ACACA: variants seen among roughly 807,000 people sequenced by gnomAD.
ACACA encodes acetyl-CoA carboxylase 1.
A neutral mutation model predicts 296.1 loss-of-function variants in ACACA; 103 were observed. That is an observed-to-expected ratio of 0.35 (90% CI 0.30 to 0.41). The LOEUF (loss-of-function observed/expected upper bound fraction) is 0.41. ACACA is among the 10% of genes least tolerant of loss of function. The pLI, the probability that ACACA is intolerant of heterozygous loss-of-function variation, is 1.00. For synonymous variants in ACACA, 953 were observed against 1,038.6 expected, an observed-to-expected ratio of 0.92 and a Z score of 1.58; for missense variants, 1,554 against 2,989.7, an observed-to-expected ratio of 0.52 and a Z score of 11.20.
chr17:37,201,610 AAAG>A lies in ACACA; in HGVS notation c.4057-1130_4057-1128del, dbSNP rs1204255024. Among the ~76,000 whole-genome samples the A allele has an allele frequency of 3.1e-4, 47 of 152,250 alleles. 1 individual carries two copies. The highest frequency in any genetic ancestry group is 6.2e-4 in the South Asian group (3 of 4,824). ...AGACATGTGTTTAGAGGTCCCCAAC[AAAG>A]AAGGATTATAACAGCAAGCAGAAAA... On this transcript the variant is annotated intron_variant, in intron 33 of 55. Transcript: ENST00000616317.
chr17:37,154,709 C>T (rs2076171025), intron 43 of ACACA, among the ~76,000 whole-genome samples: 1 of 152,094 alleles, frequency 6.6e-6, no homozygotes, highest in Non-Finnish European at 1.5e-5. Context: ...GTTGGCCAGG[C>T]TGGTCTTGCA....
chr17:37,251,776 C>T (rs917823059), intron 16 of ACACA, among the ~76,000 whole-genome samples: 1 of 152,148 alleles, frequency 6.6e-6, no homozygotes, highest in Non-Finnish European at 1.5e-5. Context: ...AAAGAAGCAA[C>T]CTGTTCTAAC....
intron 24 of ACACA, among the ~76,000 whole-genome samples, chr17:37,239,916 A>T (rs1302226355): frequency 6.6e-6 from 1 of 152,232 alleles, no homozygotes; most frequent in African/African-American, 2.4e-5. Context: ...TTGTGGCAGG[A>T]AGCAATGTCA....
At chr17:37,309,690 G>T (rs1212444061) in intron 3 of ACACA, among the ~76,000 whole-genome samples, 1 of 152,108 alleles carries the variant, frequency 6.6e-6, no homozygotes, top group Admixed American at 6.6e-5. Flanking sequence ...CAGTATGATT[G>T]AAGCCCTGTC....
rs1361124394 is a variant in ACACA at position 37,099,514 on chromosome 17, C to CAGGAGGGCTGATGGG, written c.6566-1545_6566-1531dup. ...GGGCTGATGGGAGGAGGGCTGATAG[C>CAGGAGGGCTGATGGG]AGGAGGGCTGATGGGAGGAGGGCTG... is the stretch of plus-strand genomic sequence containing the variant. On this transcript the variant is annotated intron_variant, in intron 52 of 55. Coordinates refer to ENST00000616317, the MANE Select transcript of ACACA (RefSeq NM_198834.3). Among the ~76,000 whole-genome samples, 38 of 78,430 alleles carry CAGGAGGGCTGATGGG rather than the reference C, an allele frequency of 4.8e-4. 1 individual carries two copies. The East Asian group carries it at 9.4e-3, about 19-fold the overall frequency. 51.5% of individuals were successfully genotyped at this position (78,430 alleles called of 152,430 possible).
chr17:37,290,100 T>A (rs1213536445), intron 3 of ACACA, among the ~76,000 whole-genome samples: 1 of 152,016 alleles, frequency 6.6e-6, no homozygotes, highest in Non-Finnish European at 1.5e-5. Context: ...CAGGCTGGAG[T>A]GCAGTGGTCC....
intron 45 of ACACA, among the ~76,000 whole-genome samples, chr17:37,147,995 T>C (rs2075882651): frequency 6.6e-6 from 1 of 151,998 alleles, no homozygotes; most frequent in South Asian, 2.1e-4. Context: ...GTATATAATA[T>C]AGTATCGGGG....
intron 2 of ACACA, among the ~76,000 whole-genome samples, chr17:37,337,597 G>A (rs564142372): frequency 5.1e-4 from 77 of 152,052 alleles, no homozygotes; most frequent in African/African-American, 1.7e-3. Flanking sequence ...GGGACTACAG[G>A]CATGCATCAC....
Position 37,097,892 on chromosome 17 carries a change from C to A in ACACA, c.6658G>T (p.Ala2220Ser). ...EFLIPIYHQV[A>S]VQFADLHDTP... ...TCGTGCAAGTCAGCAAACTGCACGGCTACCTGATGGTAAATGGGAATTAGG... is the reference window on the plus strand; with the variant it reads ...TCGTGCAAGTCAGCAAACTGCACGGATACCTGATGGTAAATGGGAATTAGG... Residue 2220 changes from alanine (A) to serine (S), a missense_variant, in exon 53 of 56, where the codon GCC (alanine) becomes TCC (serine). By Grantham distance (99) the Ala-to-Ser change is moderately conservative. This residue lies in a region of ACACA where 553 missense variants were observed against 1,043.6 expected (regional missense o/e 0.53). Coordinates refer to ENST00000616317, the MANE Select transcript of ACACA (RefSeq NM_198834.3). The surrounding 1 kb of genome is among the most constrained non-coding windows in gnomAD (Gnocchi z 4.8). The A allele has an allele frequency of 6.2e-7, 1 of 1,614,172 alleles. No homozygotes were observed. Among genetic ancestry groups the A allele is most frequent in the Non-Finnish European group, 8.5e-7 (1 of 1,180,042 alleles).
At chr17:37,331,495 G>A (rs549078464) in intron 2 of ACACA, among the ~76,000 whole-genome samples, 11 of 151,664 alleles carry the variant, frequency 7.3e-5, no homozygotes, top group African/African-American at 1.5e-4. Flanking sequence ...TGCAACCTCC[G>A]CCTCCCGGGT....
At chr17:37,302,992 T>C (rs748046577) in intron 3 of ACACA, among the ~76,000 whole-genome samples, 6 of 152,146 alleles carry the variant, frequency 3.9e-5, no homozygotes, top group Non-Finnish European at 7.4e-5. Flanking sequence ...GACGAGGTCT[T>C]GCTATGTTGC....
intron 1 of ACACA, among the ~76,000 whole-genome samples, chr17:37,385,243 G>A (rs1438646721): frequency 6.6e-6 from 1 of 152,086 alleles, no homozygotes; most frequent in African/African-American, 2.4e-5. Context: ...AGGCCGAGGT[G>A]GGCAGATCAC....
intron 41 of ACACA, among the ~76,000 whole-genome samples, chr17:37,167,322 A>T (rs2076714606): frequency 7.6e-6 from 1 of 131,144 alleles, no homozygotes; most frequent in African/African-American, 3.0e-5. Flanking sequence ...CCCAGGCTGG[A>T]GTACAGTGGC....
chr17:37,340,055 T>A (rs1474181483), intron 1 of ACACA, among the ~76,000 whole-genome samples: 1 of 152,214 alleles, frequency 6.6e-6, no homozygotes, highest in African/African-American at 2.4e-5. Flanking sequence ...ATAAAGACTA[T>A]TGTTTAAGAA....
intron 48 of ACACA, among the ~76,000 whole-genome samples, chr17:37,125,132 A>C (rs1203470009): frequency 6.6e-6 from 1 of 152,172 alleles, no homozygotes; most frequent in Non-Finnish European, 1.5e-5. Flanking sequence ...GTAGGTATTA[A>C]AATTTAATAG....
chr17:37,257,942 T>C, intron 13 of ACACA, 76 bp from the exon 14 acceptor site: 1 of 1,545,702 alleles, frequency 6.5e-7, no homozygotes, highest in Non-Finnish European at 8.9e-7. Context: ...TTGTTTAAGT[T>C]CTCTGTTAAT....
intron 54 of ACACA, among the ~76,000 whole-genome samples, chr17:37,089,762 T>C (rs2072483896): frequency 6.6e-6 from 1 of 152,172 alleles, no homozygotes; most frequent in South Asian, 2.1e-4. Flanking sequence ...CTTTTCAAGA[T>C]CATTTAGCTG....
chr17:37,335,019 T>TG (rs1248468221), intron 2 of ACACA, among the ~76,000 whole-genome samples: 1 of 152,038 alleles, frequency 6.6e-6, no homozygotes, highest in Non-Finnish European at 1.5e-5. Flanking sequence ...GTATGTCTGA[T>TG]GGGGGTGGAG....
At chr17:37,402,021 A>G (rs1216302661) in intron 1 of ACACA, among the ~76,000 whole-genome samples, 1 of 152,206 alleles carries the variant, frequency 6.6e-6, no homozygotes, top group Non-Finnish European at 1.5e-5. Flanking sequence ...TCAGTTACTT[A>G]TGAATGAAAG....
Sources: allele counts gnomAD v4.1 joint callset (sites outside exome capture counted in the v4.1 genomes callset), GRCh38; gene constraint gnomAD v4.1.1; regional missense constraint gnomAD v4.1.1; non-coding constraint Gnocchi (gnomAD v3.1); transcripts MANE v1.5; gene names NCBI Gene and HGNC (gene_info 2026-07-23, HGNC 2026-07-21).